SOX5: variants seen among roughly 807,000 people sequenced by gnomAD.
SOX5 encodes the protein SRY-box transcription factor 5, also known as transcription factor SOX-5.
SOX5 carries 9 observed loss-of-function variants against 92.0 expected under a neutral mutation model. The ratio of observed to expected loss-of-function variants is 0.10; its 90% CI spans 0.06 to 0.17. The LOEUF is 0.17. Among genes scored for constraint, SOX5 ranks in the 10% least tolerant of loss-of-function variants. The pLI is 1.00. For synonymous variants in SOX5, 344 were observed against 336.3 expected, an observed-to-expected ratio of 1.02 and a Z score of -0.25; for missense variants, 642 against 944.5, an observed-to-expected ratio of 0.68 and a Z score of 4.20.
intron 1 of SOX5, among the ~76,000 whole-genome samples, chr12:24,562,046 C>T (rs1954413582): frequency 1.3e-5 from 2 of 152,262 alleles, no homozygotes; most frequent in Admixed American, 6.5e-5. Context: ...GGGTCCAAGC[C>T]GGCGCTCCAG....
chr12:23,746,165 T>C (rs1198532751), intron 4 of SOX5, among the ~76,000 whole-genome samples: 2 of 152,174 alleles, frequency 1.3e-5, no homozygotes, highest in East Asian at 1.9e-4. Flanking sequence ...ACATTCTTCA[T>C]GATCATCCCC....
chr12:23,734,691 T>C lies in SOX5; in HGVS notation c.803A>G (p.Gln268Arg). ...GAAATTATGATTTCTGACCTGGATCTGTTGCTGGAGCAAATTGATTTTGTG... is the reference window on the plus strand; with the variant it reads ...GAAATTATGATTTCTGACCTGGATCCGTTGCTGGAGCAAATTGATTTTGTG... Reference protein sequence around the residue: ...QQHKINLLQQQIQVQGQLPPL... With the variant: ...QQHKINLLQQRIQVQGQLPPL... The change falls in exon 6 of 15, where the codon CAG (glutamine) becomes CGG (arginine). Residue 268 changes from glutamine (Q) to arginine (R), a missense_variant. Around this residue, in one of 8 missense-constraint regions of SOX5, gnomAD observed 324 missense variants for 461.6 expected, o/e 0.70. Coordinates refer to ENST00000451604, the MANE Select transcript of SOX5 (RefSeq NM_006940.6). 6.2e-7 allele frequency: 1 copy of C among 1,611,054 alleles called. No homozygotes were observed. Among genetic ancestry groups the C allele is most frequent in the Non-Finnish European group, 8.5e-7 (1 of 1,177,804 alleles).
chr12:23,641,117 C>T (rs1177880277), intron 7 of SOX5, among the ~76,000 whole-genome samples: 1 of 152,112 alleles, frequency 6.6e-6, no homozygotes, highest in African/African-American at 2.4e-5. Flanking sequence ...GAAACCTCAT[C>T]CTTTTTTCAT....
chr12:23,672,518 C>T (rs189768748), intron 6 of SOX5, among the ~76,000 whole-genome samples: 3 of 152,156 alleles, frequency 2.0e-5, no homozygotes, highest in Admixed American at 2.0e-4. Flanking sequence ...GAAGCAGCAC[C>T]ACAGAGAGGT....
chr12:24,283,478 G>C (rs1307562440), intron 2 of SOX5, among the ~76,000 whole-genome samples: 3 of 152,150 alleles, frequency 2.0e-5, no homozygotes, highest in Admixed American at 1.3e-4. Flanking sequence ...TGACCCCTTG[G>C]GGGAGGCCAT....
At chr12:23,553,254 A>G (rs894477076) in intron 11 of SOX5, among the ~76,000 whole-genome samples, 5 of 152,074 alleles carry the variant, frequency 3.3e-5, no homozygotes, top group African/African-American at 7.2e-5. Context: ...GAGACTGTCC[A>G]ACAGTAATTA....
At chr12:23,769,819 T>C (rs2094864215) in intron 3 of SOX5, among the ~76,000 whole-genome samples, 1 of 152,180 alleles carries the variant, frequency 6.6e-6, no homozygotes, top group Non-Finnish European at 1.5e-5. Flanking sequence ...AAGAGGTCTC[T>C]ATTATGCCAT....
At chr12:24,517,966 C>A (rs907228044) in intron 1 of SOX5, among the ~76,000 whole-genome samples, 1 of 152,114 alleles carries the variant, frequency 6.6e-6, no homozygotes, top group Admixed American at 6.5e-5. Flanking sequence ...ACGTACAATA[C>A]AAAGTACAAT....
chr12:24,385,481 G>A (rs1266618023), intron 1 of SOX5, among the ~76,000 whole-genome samples: 1 of 152,106 alleles, frequency 6.6e-6, no homozygotes, highest in Non-Finnish European at 1.5e-5. Flanking sequence ...CCCATTGTAT[G>A]TCGGGAGCAT....
At chr12:24,464,345 C>T (rs1441452882) in intron 1 of SOX5, among the ~76,000 whole-genome samples, 1 of 144,012 alleles carries the variant, frequency 6.9e-6, no homozygotes. Context: ...TTTTTTGAGA[C>T]GGAGTCTCAC....
chr12:24,036,825 A>T (rs988849172), intron 4 of SOX5, among the ~76,000 whole-genome samples: 2 of 152,224 alleles, frequency 1.3e-5, no homozygotes, highest in African/African-American at 4.8e-5. Context: ...TTTAAAAGTT[A>T]TCTAATGTTG....
chr12:24,009,390 G>T (rs1952661329), intron 4 of SOX5, among the ~76,000 whole-genome samples: 1 of 151,838 alleles, frequency 6.6e-6, no homozygotes, highest in Non-Finnish European at 1.5e-5. Flanking sequence ...CCCATTCACT[G>T]CTTGTGTGGT....
At chr12:23,919,289 G>T (rs2097455292) in intron 1 of SOX5, among the ~76,000 whole-genome samples, 1 of 152,070 alleles carries the variant, frequency 6.6e-6, no homozygotes, top group African/African-American at 2.4e-5. Flanking sequence ...CAAAAATCTG[G>T]ATTTTTATGA....
intron 4 of SOX5, among the ~76,000 whole-genome samples, chr12:23,972,139 T>G (rs1948413794): frequency 6.6e-6 from 1 of 152,174 alleles, no homozygotes; most frequent in Non-Finnish European, 1.5e-5. Context: ...CAATAGAACC[T>G]TGCCCTGCAA....
intron 3 of SOX5, among the ~76,000 whole-genome samples, chr12:23,838,418 T>A (rs147882594): frequency 6.6e-6 from 1 of 151,850 alleles, no homozygotes; most frequent in African/African-American, 2.4e-5. Context: ...TAAAAGTGAG[T>A]CTATTTATAG....
rs116176938 is a variant in SOX5, at chr12:24,477,981, T to C, written c.-251+84348A>G. On this transcript the variant is annotated intron_variant, in intron 1 of 4. Coordinates refer to the SOX5 transcript ENST00000446891. Reference sequence around the variant, plus strand: ...TTTGTTAGCTTATCAAAATGATTTTTAGGTTAACAGAACAGCAAAAACTTT... The same window carrying C: ...TTTGTTAGCTTATCAAAATGATTTTCAGGTTAACAGAACAGCAAAAACTTT... Among the ~76,000 whole-genome samples the C allele has an allele frequency of 3.2e-3, 489 of 152,260 alleles. 1 individual carries two copies. Among genetic ancestry groups the C allele is most frequent in the African/African-American group, 0.011 (455 of 41,562 alleles).
At chr12:24,213,360 C>A (rs1958845834) in exon 4 of SOX5, 1 of 146,066 alleles carries the variant, frequency 6.8e-6, no homozygotes, top group Admixed American at 7.0e-5. Context: ...GTCTCCCAGT[C>A]CAATCTCTCC....
intron 1 of SOX5, among the ~76,000 whole-genome samples, chr12:24,548,493 A>G (rs939927678): frequency 6.6e-6 from 1 of 152,218 alleles, no homozygotes; most frequent in African/African-American, 2.4e-5. Context: ...AAGTATGTAT[A>G]TGTAGACACG....
chr12:23,843,287 G>A (rs982976885), intron 3 of SOX5, among the ~76,000 whole-genome samples: 1 of 151,934 alleles, frequency 6.6e-6, no homozygotes, highest in Non-Finnish European at 1.5e-5. Context: ...AAGCACACTT[G>A]GTGAAAACTA....
Sources: allele counts gnomAD v4.1 joint callset (sites outside exome capture counted in the v4.1 genomes callset), GRCh38; gene constraint gnomAD v4.1.1; regional missense constraint gnomAD v4.1.1; transcripts MANE v1.5; gene names NCBI Gene and HGNC (gene_info 2026-07-23, HGNC 2026-07-21).